The following ADAMTS13 variants were observed in gnomAD, a reference collection of about 807,000 sequenced individuals.
ADAMTS13 encodes the protein ADAM metallopeptidase with thrombospondin type 1 motif 13, also known as A disintegrin and metalloproteinase with thrombospondin motifs 13.
ADAMTS13 carries 110 observed loss-of-function variants against 155.1 expected under a neutral mutation model. The ratio of observed to expected loss-of-function variants is 0.71; its 90% confidence interval spans 0.61 to 0.83. The LOEUF (loss-of-function observed/expected upper bound fraction) is 0.83, where lower values mean the gene tolerates loss of function less well. Ranked by LOEUF, ADAMTS13 falls within the 40% of genes least tolerant of loss-of-function variation. The pLI, the probability that ADAMTS13 is intolerant of heterozygous loss-of-function variation, is 0.00. For missense variants in ADAMTS13, 1,707 were observed against 1,891.7 expected, an observed-to-expected ratio of 0.90 and a Z score of 1.81; for synonymous variants, 758 against 756.4, an observed-to-expected ratio of 1.00 and a Z score of -0.03.
At chr9:133,429,615 C>G (rs903709576) in intron 7 of ADAMTS13, 12 of 508,826 alleles carry the variant, frequency 2.4e-5, no homozygotes, top group African/African-American at 1.6e-4. Context: ...CTATCTCCCC[C>G]ACCCGCGTAC....
In ADAMTS13 at chr9:133,436,921, C is replaced by A. The variant is rs1554789230; in HGVS notation, c.1401C>A (p.Phe467Leu). ...PLRSSPGGAS[F>L]YHWGAAVPHS... ...GCTCCTCCCCTGGCGGCGCCTCCTT[C>A]TACCACTGGGGTGCTGCTGTACCAC... Residue 467 changes from phenylalanine to leucine, a missense_variant, in exon 12 of 29, where the codon TTC becomes TTA. Transcript: ENST00000355699. 6.3e-7 allele frequency: 1 copy of A among 1,592,300 alleles called. No homozygotes were observed. The highest frequency in any genetic ancestry group is 8.5e-7 in the Non-Finnish European group (1 of 1,170,650).
intron 11 of ADAMTS13, among the ~76,000 whole-genome samples, chr9:133,435,098 A>G (rs1007710088): frequency 1.3e-5 from 2 of 151,976 alleles, no homozygotes; most frequent in Non-Finnish European, 2.9e-5. Context: ...GTGCTTGTAC[A>G]TGTTTGAATC....
intron 6 of ADAMTS13, among the ~76,000 whole-genome samples, chr9:133,426,808 CTTT>C (rs36219249): frequency 6.9e-6 from 1 of 145,880 alleles, no homozygotes. Context: ...CTTTTCTTTT[CTTT>C]TTTTTTTTTG....
At chr9:133,433,822 G>T in intron 11 of ADAMTS13, 118 bp downstream of exon 11, 1 of 1,274,024 alleles carries the variant, frequency 7.8e-7, no homozygotes, top group Non-Finnish European at 1.1e-6. Flanking sequence ...GGGGCCAGGT[G>T]AGGTGGCTTA....
Position 133,437,880 on chromosome 9 carries a change from G to A in ADAMTS13, c.1567G>A (p.Val523Met). The change falls in exon 13 of 29, where the codon GTG becomes ATG. Residue 523 changes from valine (V) to methionine (M), a missense_variant. Physicochemically the swap from Val to Met is conservative, Grantham distance 21. This residue lies in a region of ADAMTS13 where 733 missense variants were observed against 749.6 expected (regional missense o/e 0.98). Coordinates refer to ENST00000355699, the MANE Select transcript of ADAMTS13 (RefSeq NM_139027.6). ...PREDGTLSLC[V>M]SGSCRTFGCD... ...GGAGGACGGGACCCTGAGCCTGTGT[G>A]TGTCGGGCAGCTGCAGGGTAGGCGT... 6.2e-7 allele frequency: 1 copy of A among 1,613,730 alleles called. No individual in the cohort carries two copies. Among genetic ancestry groups the A allele is most frequent in the Non-Finnish European group, 8.5e-7 (1 of 1,179,980 alleles).
rs587706274 is a variant in ADAMTS13 at position 133,432,649 on chromosome 9, T to G, written c.1049T>G (p.Leu350Arg). The G allele has an allele frequency of 8.3e-6, 13 of 1,559,674 alleles. No individual in the cohort carries two copies. The highest frequency in any genetic ancestry group is 2.7e-5 in the African/African-American group (2 of 73,936). Residue 350 changes from leucine (L) to arginine (R), a missense_variant, in exon 9 of 29, where the codon CTC becomes CGC. By Grantham distance (102) the Leu-to-Arg change is moderately radical (BLOSUM62 -2). Around this residue, in one of 3 missense-constraint regions of ADAMTS13, gnomAD observed 733 missense variants for 749.6 expected, o/e 0.98. Coordinates refer to ENST00000355699, the MANE Select transcript of ADAMTS13 (RefSeq NM_139027.6). ...DPLDQSSCSRLLVPLLDGTEC... is the reference protein window; with the variant it reads ...DPLDQSSCSRRLVPLLDGTEC... ...CTGGACCAAAGCAGCTGCAGCCGCC[T>G]CCTCGTTCCTCTCCTGGATGGGACA... is the stretch of plus-strand genomic sequence containing the variant.
At chr9:133,422,571 G>A in intron 1 of ADAMTS13, 23 bp downstream of exon 1, 1 of 1,612,502 alleles carries the variant, frequency 6.2e-7, no homozygotes, top group Non-Finnish European at 8.5e-7. Context: ...GCAGGAGCGG[G>A]GGTATTCTGG....
chr9:133,414,441 C>G (rs1288205613), exon 1 of ADAMTS13: 8 of 694,838 alleles, frequency 1.2e-5, no homozygotes, highest in Admixed American at 2.0e-5. Flanking sequence ...TGTACTGGCA[C>G]CCACTAAATG....
In ADAMTS13 at chr9:133,441,103, G is replaced by A. The variant is rs1018203287; in HGVS notation, c.1968+578G>A. Among the ~76,000 whole-genome samples, 25 of 152,162 alleles carry A rather than the reference G, an allele frequency of 1.6e-4. No individual in the cohort carries two copies. The highest frequency in any genetic ancestry group is 9.2e-4 in the Admixed American group (14 of 15,284). On this transcript the variant is annotated intron_variant, in intron 16 of 28. Coordinates refer to ENST00000355699, the MANE Select transcript of ADAMTS13 (RefSeq NM_139027.6). The surrounding 1 kb of genome is among the most constrained non-coding windows in gnomAD (Gnocchi z 5.0). Reference sequence around the variant, plus strand: ...CTTGTTCAGGCGTGTCCTCAGTGACGTGTGCTCGCCCATGTATGTCCCCAT... The same window carrying A: ...CTTGTTCAGGCGTGTCCTCAGTGACATGTGCTCGCCCATGTATGTCCCCAT...
Position 133,433,717 on chromosome 9 carries a change from C to T in ADAMTS13, c.1308+13C>T. 2.5e-6 allele frequency: 4 copies of T among 1,612,482 alleles called. No homozygotes were observed. The highest frequency in any genetic ancestry group is 3.4e-6 in the Non-Finnish European group (4 of 1,179,954). On this transcript the variant is annotated intron_variant, in intron 11 of 28. Coordinates refer to ENST00000355699, the MANE Select transcript of ADAMTS13 (RefSeq NM_139027.6). ...GTGCAACACTCAGGTAGGCCTGCTT[C>T]CTGGGGTAGGAGGGGGCAGCTGGTG...
intron 11 of ADAMTS13, among the ~76,000 whole-genome samples, chr9:133,435,982 T>C (rs866378130): frequency 2.6e-4 from 39 of 149,624 alleles, no homozygotes; most frequent in African/African-American, 6.1e-4. Flanking sequence ...CTCTTCTTTT[T>C]TTTTTTTTTT....
At position 133,449,976 on chromosome 9, in the gene ADAMTS13, C is replaced by G; in HGVS notation, c.3044+11C>G. The G allele has an allele frequency of 6.3e-7, 1 of 1,588,658 alleles. No individual in the cohort carries two copies. The stretch of plus-strand genomic sequence containing the variant: ...GCCCTGCCCACCTAGGTGAGTCAGC[C>G]GGTGATGGGAGGGGCAGCTCCTGGT... On this transcript the variant is annotated intron_variant, in intron 23 of 28. Coordinates refer to ENST00000355699, the MANE Select transcript of ADAMTS13 (RefSeq NM_139027.6).
At chr9:133,414,540 G>A (rs782261376) in exon 1 of ADAMTS13, 5 of 873,112 alleles carry the variant, frequency 5.7e-6, no homozygotes, top group Non-Finnish European at 9.7e-6. Context: ...AGTAAACAAA[G>A]GAACAGACGA....
At chr9:133,417,517 A>G, upstream of ADAMTS13, 2 of 1,218,694 alleles carry the variant, frequency 1.6e-6, no homozygotes, top group South Asian at 2.6e-5. Flanking sequence ...TTCGATTCAA[A>G]TCTGCCTTTA....
intron 14 of ADAMTS13, 39 bp from the exon 15 acceptor site, chr9:133,439,327 G>C: frequency 6.8e-7 from 1 of 1,462,844 alleles, no homozygotes; most frequent in East Asian, 2.3e-5. Context: ...TGTGGTGGCT[G>C]TGAGGTCCAC....
rs1451722319 is a variant in ADAMTS13 at position 133,454,477 on chromosome 9, CGGT to C, written c.3110_3112del (p.Val1037del). The C allele has an allele frequency of 6.2e-7, 1 of 1,613,268 alleles. No individual in the cohort carries two copies. Among genetic ancestry groups the C allele is most frequent in the African/African-American group, 1.3e-5 (1 of 74,928 alleles). The stretch of plus-strand genomic sequence containing the variant: ...TGTGGCCTTGGCACTGCTAGACGCT[CGGT>C]GGCCTGTGTGCAGCTCGACCAAGGC... On this transcript the variant is annotated inframe_deletion, in exon 24 of 29. Transcript: ENST00000355699.
At chr9:133,432,046 C>G (rs587674754) in intron 8 of ADAMTS13, among the ~76,000 whole-genome samples, 11 of 152,240 alleles carry the variant, frequency 7.2e-5, no homozygotes, top group Non-Finnish European at 1.2e-4. Context: ...GGCGGATCAC[C>G]TGAGGTCGGG....
At chr9:133,421,839 G>A (rs1252819712), upstream of ADAMTS13, among the ~76,000 whole-genome samples, 1 of 152,204 alleles carries the variant, frequency 6.6e-6, no homozygotes, top group Admixed American at 6.5e-5. Context: ...GCGGCTCTGT[G>A]GGTGTAAAAG....
intron 22 of ADAMTS13, 88 bp downstream of exon 22, chr9:133,448,816 G>C: frequency 6.5e-7 from 1 of 1,533,398 alleles, no homozygotes; most frequent in Non-Finnish European, 8.8e-7. Flanking sequence ...GACCTGCGGA[G>C]GGGGGCAGGT....
Sources: gnomAD v4.1 joint callset for allele counts (sites outside exome capture counted in the v4.1 genomes callset) on GRCh38, gnomAD v4.1.1 for gene constraint, gnomAD v4.1.1 regional missense constraint, Gnocchi (gnomAD v3.1) non-coding constraint, MANE v1.5 for transcripts, NCBI Gene and HGNC (gene_info 2026-07-23, HGNC 2026-07-21) for gene names.